The following PPP2R2D variants were observed in gnomAD, a reference collection of about 807,000 sequenced individuals.
PPP2R2D encodes the protein serine/threonine-protein phosphatase 2A 55 kDa regulatory subunit B delta isoform.
In PPP2R2D, 9 loss-of-function variants were observed where a neutral mutation model predicts 31.1. The observed-to-expected ratio is 0.29, with a 90% CI of 0.17 to 0.51. PPP2R2D has a LOEUF of 0.51. Ranked by LOEUF, PPP2R2D falls within the 20% of genes least tolerant of loss-of-function variation. The pLI is 0.98. For synonymous variants in PPP2R2D, 179 were observed against 172.6 expected (o/e 1.04, Z -0.29); for missense variants, 391 against 465.6 (o/e 0.84, Z 1.48).
chr10:131,910,326 TG>T (rs1289373183), intron 2 of PPP2R2D, among the ~76,000 whole-genome samples: 1 of 152,188 alleles, frequency 6.6e-6, no homozygotes, highest in African/African-American at 2.4e-5. Flanking sequence ...CATTCCATTA[TG>T]TAAACTTGAA....
intron 2 of PPP2R2D, among the ~76,000 whole-genome samples, chr10:131,910,175 G>A (rs1410099528): frequency 1.3e-5 from 2 of 152,198 alleles, no homozygotes; most frequent in East Asian, 1.9e-4. Flanking sequence ...TGACGTTTCT[G>A]TACTCTCTTC....
intron 8 of PPP2R2D, among the ~76,000 whole-genome samples, chr10:131,952,343 T>A (rs1236377797): frequency 3.6e-5 from 1 of 27,424 alleles, no homozygotes; most frequent in Admixed American, 6.4e-4. Flanking sequence ...GTGATTTGCA[T>A]GTGTGGGGGG....
chr10:131,966,536 C>T, the PPP2R2D span: 1 of 152,230 alleles, frequency 6.6e-6, no homozygotes, highest in East Asian at 1.9e-4. Context: ...TTCTTGGTCT[C>T]CCATCTGTCT....
At chr10:131,918,999 G>A (rs1433874385) in intron 2 of PPP2R2D, among the ~76,000 whole-genome samples, 8 of 140,318 alleles carry the variant, frequency 5.7e-5, no homozygotes, top group East Asian at 2.5e-4. Flanking sequence ...GGGACCTCAG[G>A]CGGGTGGAAT....
At chr10:131,906,758 CAAAAAAAA>C (rs879099384) in intron 2 of PPP2R2D, among the ~76,000 whole-genome samples, 1 of 101,766 alleles carries the variant, frequency 9.8e-6, no homozygotes, top group African/African-American at 3.6e-5. Context: ...TTGTCTCTAC[CAAAAAAAA>C]AAAAAAAAGA....
intron 2 of PPP2R2D, among the ~76,000 whole-genome samples, chr10:131,928,044 AG>A: frequency 6.6e-6 from 1 of 152,218 alleles, no homozygotes; most frequent in African/African-American, 2.4e-5. Flanking sequence ...TGTTTGCTCC[AG>A]GAGCTGTCTA....
rs376287794 is a variant in PPP2R2D, at chr10:131,947,863, G to A, written c.1082+72G>A. ...CCGAGAGTGCAAGGTCAGTGAGGGA[G>A]GCGAGCTGTCCTCCAGCGTCAGAGG... is the stretch of plus-strand genomic sequence containing the variant. On this transcript the variant is annotated intron_variant, in intron 8 of 8. Coordinates refer to ENST00000455566, the MANE Select transcript of PPP2R2D (RefSeq NM_018461.5). The surrounding 1 kb of genome is among the most constrained non-coding windows in gnomAD (Gnocchi z 4.3). 15 of 1,567,848 alleles carry A rather than the reference G, an allele frequency of 9.6e-6. No homozygotes were observed. Among genetic ancestry groups the A allele is most frequent in the Middle Eastern group, 1.7e-4 (1 of 5,872 alleles).
chr10:131,954,538 C>T (rs1334364109), intron 8 of PPP2R2D, among the ~76,000 whole-genome samples: 1 of 152,214 alleles, frequency 6.6e-6, no homozygotes, highest in African/African-American at 2.4e-5. Flanking sequence ...CTTGTGTCTC[C>T]CGCCTCTGTG....
chr10:131,959,170 C>T lies in PPP2R2D; in HGVS notation c.*3207C>T, dbSNP rs1465201010. 7 of 148,566 alleles carry T rather than the reference C, an allele frequency of 4.7e-5. No homozygotes were observed. The highest frequency in any genetic ancestry group is 9.1e-5 in the Non-Finnish European group (7 of 76,744). 9.2% of individuals were successfully genotyped at this position (148,566 alleles called of 1,614,324 possible). ...ATGAAGGTGTGTGCTGATCCCCGGT[C>T]CCCCTGTGGAGATGAAGGTGTGTGC... On this transcript the variant is annotated 3_prime_UTR_variant, in exon 9 of 9. Coordinates refer to ENST00000455566, the MANE Select transcript of PPP2R2D (RefSeq NM_018461.5).
intron 5 of PPP2R2D, among the ~76,000 whole-genome samples, chr10:131,942,294 G>T (rs1345733919): frequency 1.3e-5 from 2 of 152,222 alleles, no homozygotes; most frequent in African/African-American, 4.8e-5. Flanking sequence ...ATTCAAGGCT[G>T]CTTTTGTAGG....
At chr10:131,969,426 G>A in the PPP2R2D span, 7 of 152,220 alleles carry the variant, frequency 4.6e-5, no homozygotes, top group African/African-American at 1.7e-4. Flanking sequence ...AAACTGCCTG[G>A]TGATGCTGAT....
chr10:131,940,720 A>G (rs782243801), intron 5 of PPP2R2D, 26 bp downstream of exon 5: 16 of 756,694 alleles, frequency 2.1e-5, no homozygotes, highest in South Asian at 4.3e-5. Context: ...GCTTTATCCA[A>G]TGCTGTTGAG....
rs886154152 is a variant in PPP2R2D at position 131,944,085 on chromosome 10, C to A, written c.595C>A (p.Leu199Ile). The change falls in exon 6 of 9, where the codon CTT becomes ATT. Residue 199 changes from leucine (L) to isoleucine (I), a missense_variant. By Grantham distance (5) the Leu-to-Ile change is conservative (BLOSUM62 2). Coordinates refer to ENST00000455566, the MANE Select transcript of PPP2R2D (RefSeq NM_018461.5). ...ISVNSDHETY[L>I]SADDLRINLW... Reference sequence around the variant, plus strand: ...AGTAAATAGTGATCATGAAACATATCTTTCTGCAGATGACCTGAGAATTAA... The same window carrying A: ...AGTAAATAGTGATCATGAAACATATATTTCTGCAGATGACCTGAGAATTAA... 2 of 1,611,436 alleles carry A rather than the reference C, an allele frequency of 1.2e-6. No homozygotes were observed. Among genetic ancestry groups the A allele is most frequent in the African/African-American group, 2.7e-5 (2 of 74,884 alleles).
intron 8 of PPP2R2D, among the ~76,000 whole-genome samples, chr10:131,950,378 CAA>C (rs1173237802): frequency 2.0e-5 from 3 of 152,068 alleles, no homozygotes; most frequent in Non-Finnish European, 4.4e-5. Context: ...ACACCAAACG[CAA>C]AGAGAATATC....
chr10:131,931,635 A>G (rs534300103), intron 2 of PPP2R2D, among the ~76,000 whole-genome samples: 59 of 152,356 alleles, frequency 3.9e-4, no homozygotes, highest in East Asian at 5.8e-4. Flanking sequence ...GGCATGAGCC[A>G]CTGCGCCTGG....
At chr10:131,951,828 A>C (rs537534865) in intron 8 of PPP2R2D, among the ~76,000 whole-genome samples, 9 of 152,280 alleles carry the variant, frequency 5.9e-5, no homozygotes, top group South Asian at 2.1e-4. Flanking sequence ...TCAAAAAAAA[A>C]CAAAAAAAAT....
intron 2 of PPP2R2D, among the ~76,000 whole-genome samples, chr10:131,930,755 C>T (rs1253542917): frequency 6.6e-6 from 1 of 152,178 alleles, no homozygotes; most frequent in South Asian, 2.1e-4. Flanking sequence ...ATCAGCCATG[C>T]GGGGCCTCTG....
chr10:131,932,646 C>CAAAAAAAAAAAAAAAAAAAAAA (rs368610703), intron 2 of PPP2R2D, among the ~76,000 whole-genome samples: 5 of 57,858 alleles, frequency 8.6e-5, no homozygotes, highest in African/African-American at 2.1e-4. Context: ...CAGCCTGTCT[C>CAAAAAAAAAAAAAAAAAAAAAA]AAAAAAAAAA....
chr10:131,971,144 C>T, the PPP2R2D span: 1 of 622,826 alleles, frequency 1.6e-6, no homozygotes. Context: ...CTTCCCCGGG[C>T]CGCGCCGCAC....
Sources: gnomAD v4.1 joint callset for allele counts (sites outside exome capture counted in the v4.1 genomes callset) on GRCh38, gnomAD v4.1.1 for gene constraint, Gnocchi (gnomAD v3.1) non-coding constraint, MANE v1.5 for transcripts, NCBI Gene and HGNC (gene_info 2026-07-23, HGNC 2026-07-21) for gene names.